FOLR3: variants seen among roughly 807,000 people sequenced by gnomAD.
FOLR3 encodes folate receptor gamma, also known as folate receptor 3 (gamma).
In FOLR3, 9 loss-of-function variants were observed where a neutral mutation model predicts 20.0. The observed-to-expected ratio is 0.45, with a 90% CI of 0.27 to 0.79. FOLR3 has a LOEUF of 0.79. Ranked by LOEUF, FOLR3 falls within the 30% of genes least tolerant of loss-of-function variation. The probability of loss-of-function intolerance (pLI) is 0.15; values close to 1 mark genes in which losing one functional copy is unlikely to be tolerated. For synonymous variants in FOLR3, 124 were observed against 115.5 expected, an observed-to-expected ratio of 1.07 and a Z score of -0.47; for missense variants, 309 against 323.5, an observed-to-expected ratio of 0.96 and a Z score of 0.34.
intron 2 of FOLR3, among the ~76,000 whole-genome samples, chr11:72,138,257 T>C (rs1947765546): frequency 6.6e-6 from 1 of 151,700 alleles, no homozygotes; most frequent in Non-Finnish European, 1.5e-5. Flanking sequence ...TCCCAGCTAC[T>C]TGGGAGGCTG....
At position 72,135,769 on chromosome 11, in the gene FOLR3, G is replaced by C. The variant is rs1565347885; in HGVS notation, c.-7+1G>C. ...CTGTTGGTGGAGGTCCTGCCTCCAG[G>C]TAGGGGAAGGGCTCCCTCTCACCTC... On this transcript the variant is annotated splice_donor_variant, in intron 1 of 4. Transcript: ENST00000611028. LOFTEE classifies it low-confidence loss of function (5UTR_SPLICE). The C allele has an allele frequency of 1.5e-6, 1 of 655,794 alleles. No individual in the cohort carries two copies. Among genetic ancestry groups the C allele is most frequent in the Non-Finnish European group, 2.6e-6 (1 of 378,216 alleles). The allele number at this position is 655,794 out of a possible 1,614,324, so 40.6% of individuals were successfully genotyped here.
Position 72,139,103 on chromosome 11 carries a change from G to A in FOLR3, c.311G>A (p.Ser104Asn), listed in dbSNP as rs766540983. ...PTCKRHFIQDSCLYECSPNLG... is the reference protein window; with the variant it reads ...PTCKRHFIQDNCLYECSPNLG... ...TGCAAGCGCCACTTTATCCAGGACA[G>A]CTGTCTCTATGAGTGCTCACCCAAC... The change falls in exon 3 of 5, where the codon AGC (serine) becomes AAC (asparagine). Residue 104 changes from serine to asparagine, a missense_variant. Ser to Asn is a conservative substitution (Grantham distance 46, BLOSUM62 1). Coordinates refer to ENST00000611028, the MANE Select transcript of FOLR3 (RefSeq NM_000804.4). 1 of 1,496,270 alleles carries A rather than the reference G, an allele frequency of 6.7e-7. No homozygotes were observed. The highest frequency in any genetic ancestry group is 2.5e-5 in the East Asian group (1 of 40,436). 92.7% of individuals were successfully genotyped at this position (1,496,270 alleles called of 1,614,324 possible).
rs776373806 is a variant in FOLR3, at chr11:72,139,077, C to A, written c.285C>A (p.Thr95=). 56 of 1,607,674 alleles carry A rather than the reference C, an allele frequency of 3.5e-5. 1 individual carries two copies. The South Asian group carries it at 6.0e-4, about 17-fold the overall frequency. ...ATCACTGTGGTAAGATGGAACCCAC[C>A]TGCAAGCGCCACTTTATCCAGGACA... ...NWDHCGKMEP[T]CKRHFIQDSC... The change falls in exon 3 of 5, where the codon ACC becomes ACA. Residue 95 remains threonine (T), a synonymous_variant. Transcript: ENST00000611028.
At chr11:72,138,305 G>A (rs973981361) in intron 2 of FOLR3, among the ~76,000 whole-genome samples, 3 of 152,060 alleles carry the variant, frequency 2.0e-5, no homozygotes, top group Non-Finnish European at 4.4e-5. Context: ...GGTGGAGGTT[G>A]CAGTGAGCCA....
In FOLR3 at chr11:72,139,867, T is replaced by C. The variant is rs1295462815; in HGVS notation, c.*36T>C. On this transcript the variant is annotated 3_prime_UTR_variant, in exon 5 of 5. Coordinates refer to ENST00000611028, the MANE Select transcript of FOLR3 (RefSeq NM_000804.4). ...GTCCTCTGGGGTTCTTCCAACAACC[T>C]ATTCTAATAGACAAATCCACATGTG... 3 of 1,608,720 alleles carry C rather than the reference T, an allele frequency of 1.9e-6. No homozygotes were observed. Among genetic ancestry groups the C allele is most frequent in the South Asian group, 2.2e-5 (2 of 90,872 alleles).
Position 72,135,998 on chromosome 11 carries a change from G to A in FOLR3, c.46G>A (p.Val16Met). Residue 16 changes from valine to methionine, a missense_variant, in exon 2 of 5, where the codon GTG becomes ATG. Physicochemically the swap from Val to Met is conservative, Grantham distance 21 (BLOSUM62 1). Coordinates refer to ENST00000611028, the MANE Select transcript of FOLR3 (RefSeq NM_000804.4). Reference protein sequence around the residue: ...QMMQLLLLALVTAAGSAQPRS... With the variant: ...QMMQLLLLALMTAAGSAQPRS... ...GATGCAGCTGCTGCTTCTGGCTTTG[G>A]TGACTGCTGCGGGGAGTGCCCAGCC... The A allele has an allele frequency of 1.2e-6, 2 of 1,613,978 alleles. No individual in the cohort carries two copies. The highest frequency in any genetic ancestry group is 2.2e-5 in the East Asian group (1 of 44,888).
rs776253595 is a variant in FOLR3 at position 72,139,628 on chromosome 11, G to A, written c.535G>A (p.Glu179Lys). 3.7e-6 allele frequency: 6 copies of A among 1,613,582 alleles called. No homozygotes were observed. Among genetic ancestry groups the A allele is most frequent in the Non-Finnish European group, 5.1e-6 (6 of 1,179,884 alleles). The change falls in exon 5 of 5, where the codon GAG (glutamate) becomes AAG (lysine). Residue 179 changes from glutamate to lysine, a missense_variant. Glu to Lys is a moderately conservative substitution (Grantham distance 56). Transcript: ENST00000611028. ...GGCCGGGGCCCTCTGCAGCACCTTT[G>A]AGTCCTACTTCCCCACTCCAGCCGC... Reference protein sequence around the residue: ...CPAGALCSTFESYFPTPAALC... With the variant: ...CPAGALCSTFKSYFPTPAALC...
intron 2 of FOLR3, among the ~76,000 whole-genome samples, chr11:72,137,374 A>G (rs1451286818): frequency 6.6e-6 from 1 of 151,846 alleles, no homozygotes; most frequent in East Asian, 1.9e-4. Context: ...CTCAGGATCT[A>G]TCTAGAGTCT....
chr11:72,138,840 C>A (rs1042745125), intron 2 of FOLR3, 121 bp from the exon 3 acceptor site: 4 of 1,168,278 alleles, frequency 3.4e-6, no homozygotes, highest in Non-Finnish European at 5.0e-6. Flanking sequence ...CAGGTGGGAG[C>A]TCCTCAAGGG....
At chr11:72,137,036 G>C (rs1035198075) in intron 2 of FOLR3, among the ~76,000 whole-genome samples, 1 of 152,196 alleles carries the variant, frequency 6.6e-6, no homozygotes, top group Non-Finnish European at 1.5e-5. Context: ...GCCGGCACTG[G>C]GCGTGGGCCA....
Position 72,138,237 on chromosome 11 carries a change from G to A in FOLR3, c.169-724G>A, listed in dbSNP as rs534169454. 4.6e-5 allele frequency among the ~76,000 whole-genome samples: 7 copies of A among 151,978 alleles called. No homozygotes were observed. The East Asian group carries it at 7.8e-4, about 17-fold the overall frequency. ...CAAAATTAGCTGGGCATGGTGGCAC[G>A]TGCCTGTAATCCCAGCTACTTGGGA... On this transcript the variant is annotated intron_variant, in intron 2 of 4. Coordinates refer to ENST00000611028, the MANE Select transcript of FOLR3 (RefSeq NM_000804.4).
At position 72,139,711 on chromosome 11, in the gene FOLR3, C is replaced by G. The variant is rs375347410; in HGVS notation, c.618C>G (p.Ser206Arg). 175 of 1,613,798 alleles carry G rather than the reference C, an allele frequency of 1.1e-4. No homozygotes were observed. Among genetic ancestry groups the G allele is most frequent in the Non-Finnish European group, 1.4e-4 (166 of 1,179,994 alleles). ...AGGTCAGCAACTATAGTCGAGGGAG[C>G]GGCCGCTGCATCCAGATGTGGTTTG... ...SFKVSNYSRG[S>R]GRCIQMWFDS... Residue 206 changes from serine (S) to arginine (R), a missense_variant, in exon 5 of 5, where the codon AGC becomes AGG. Ser to Arg is a moderately radical substitution (Grantham distance 110, BLOSUM62 -1). Transcript: ENST00000611028.
chr11:72,138,811 T>G, intron 2 of FOLR3, 150 bp from the exon 3 acceptor site: 1 of 825,036 alleles, frequency 1.2e-6, no homozygotes, highest in Non-Finnish European at 2.0e-6. Context: ...AGCACCAATA[T>G]TGTAATTGCC....
intron 2 of FOLR3, 122 bp downstream of exon 2, chr11:72,136,242 C>T: frequency 3.4e-6 from 4 of 1,168,400 alleles, no homozygotes; most frequent in Non-Finnish European, 3.7e-6. Context: ...GGAGGGGCGG[C>T]CAGGGCCACC....
In FOLR3 at chr11:72,138,992, C is replaced by A. The variant is rs371900505; in HGVS notation, c.200C>A (p.Thr67Lys). ...CSPWKKNACCTASTSQELHKD... is the reference protein window; with the variant it reads ...CSPWKKNACCKASTSQELHKD... ...CCCTGGAAGAAGAATGCCTGCTGCACGGCCAGCACCAGCCAGGAGCTGCAC... is the reference window on the plus strand; with the variant it reads ...CCCTGGAAGAAGAATGCCTGCTGCAAGGCCAGCACCAGCCAGGAGCTGCAC... Residue 67 changes from threonine to lysine, a missense_variant, in exon 3 of 5, where the codon ACG (threonine) becomes AAG (lysine). Coordinates refer to ENST00000611028, the MANE Select transcript of FOLR3 (RefSeq NM_000804.4). The A allele has an allele frequency of 1.2e-5, 20 of 1,613,852 alleles. No homozygotes were observed. The highest frequency in any genetic ancestry group is 1.6e-5 in the Non-Finnish European group (19 of 1,179,884).
intron 2 of FOLR3, among the ~76,000 whole-genome samples, chr11:72,138,077 A>G (rs558417608): frequency 6.6e-6 from 1 of 152,302 alleles, no homozygotes. Context: ...GCTGAATAAC[A>G]TGAAATAGGC....
intron 2 of FOLR3, among the ~76,000 whole-genome samples, chr11:72,137,065 G>A (rs573058531): frequency 6.6e-6 from 1 of 152,182 alleles, no homozygotes; most frequent in African/African-American, 2.4e-5. Context: ...GAGGTGGGTA[G>A]GTCTGGCTCC....
chr11:72,136,191 A>G (rs1947740355), intron 2 of FOLR3, 71 bp downstream of exon 2: 1 of 1,569,308 alleles, frequency 6.4e-7, no homozygotes, highest in Non-Finnish European at 8.7e-7. Flanking sequence ...TGGCAGGTCC[A>G]GTGTGGTCAG....
Position 72,137,646 on chromosome 11 carries a change from T to C in FOLR3, c.169-1315T>C, listed in dbSNP as rs141921951. Among the ~76,000 whole-genome samples the C allele has an allele frequency of 3.7e-4, 57 of 152,112 alleles. 1 individual carries two copies. The highest frequency in any genetic ancestry group is 6.8e-4 in the Non-Finnish European group (46 of 67,960). On this transcript the variant is annotated intron_variant, in intron 2 of 4. Transcript: ENST00000611028. ...AGCTGGGATTACAGGCGCCTACCAC[T>C]GTGCCTGGCTAATTTTTTGGTATTT...
Sources: allele counts gnomAD v4.1 joint callset (sites outside exome capture counted in the v4.1 genomes callset), GRCh38; gene constraint gnomAD v4.1.1; transcripts MANE v1.5; gene names NCBI Gene and HGNC (gene_info 2026-07-23, HGNC 2026-07-21).